Variants in ZNF320 observed in about 807,000 individuals in gnomAD.
ZNF320 encodes the protein zinc finger protein 320.
ZNF320 carries 2 observed loss-of-function variants against 6.8 expected under a neutral mutation model. The observed-to-expected ratio is 0.29, with a 90% CI of 0.12 to 0.93. The LOEUF is 0.93. ZNF320 is among the 40% of genes least tolerant of loss of function. The pLI is 0.55. For synonymous variants in ZNF320, 208 were observed against 203.2 expected (o/e 1.02, Z -0.20); for missense variants, 472 against 611.0 (o/e 0.77, Z 2.40).
rs58231328 is a variant in ZNF320 at position 52,866,869 on chromosome 19, C to CAAAAAA, written c.224-2716_224-2711dup. On this transcript the variant is annotated intron_variant, in intron 5 of 5. Coordinates refer to the ZNF320 transcript ENST00000673631. ...TGAGACACCTGTCTCACAAAACATA[C>CAAAAAA]AAAAAAAAAAAAAAAAAAAAAGAAA... Among the ~76,000 whole-genome samples the CAAAAAA allele has an allele frequency of 7.1e-4, 77 of 108,870 alleles. 1 individual carries two copies. Among genetic ancestry groups the CAAAAAA allele is most frequent in the South Asian group, 8.9e-4 (3 of 3,378 alleles). 71.4% of individuals were successfully genotyped at this position (108,870 alleles called of 152,430 possible).
rs1184393927 is a variant in ZNF320 at position 52,865,623 on chromosome 19, TTA to T, written c.224-1466_224-1465del. Among the ~76,000 whole-genome samples the T allele has an allele frequency of 5.6e-4, 47 of 83,386 alleles. 2 individuals carry two copies. The highest frequency in any genetic ancestry group is 2.1e-3 in the African/African-American group (44 of 20,768). 54.7% of individuals were successfully genotyped at this position (83,386 alleles called of 152,430 possible). On this transcript the variant is annotated intron_variant, in intron 5 of 5. Coordinates refer to the ZNF320 transcript ENST00000673631. ...TATATATGAGATTATACATATATAT[TTA>T]TATATGATTATACATATATATTTAT...
downstream of ZNF320, among the ~76,000 whole-genome samples, chr19:52,871,546 G>A (rs567131937): frequency 1.3e-5 from 2 of 152,158 alleles, no homozygotes; most frequent in Admixed American, 6.5e-5. Flanking sequence ...AAACCATCTT[G>A]TATATTCCTG....
chr19:52,866,998 T>A (rs2063587586), intron 5 of ZNF320, among the ~76,000 whole-genome samples: 1 of 152,078 alleles, frequency 6.6e-6, no homozygotes, highest in Non-Finnish European at 1.5e-5. Flanking sequence ...TGCCCTTAGT[T>A]ATCTAGTTCA....
At chr19:52,861,819 C>A (rs906565447) in exon 6 of ZNF320, 5 of 379,736 alleles carry the variant, frequency 1.3e-5, no homozygotes, top group Non-Finnish European at 2.6e-5. Flanking sequence ...AGACTGAAAC[C>A]TTGTCACACT....
chr19:52,862,748 C>T (rs10425318), exon 6 of ZNF320: 108,194 of 389,028 alleles, frequency 0.28, 16,187 homozygotes, highest in African/African-American at 0.4. Flanking sequence ...ACAAACCTTA[C>T]ATTTGTATGG....
intron 5 of ZNF320, chr19:52,865,355 C>A (rs2063523831): frequency 6.2e-6 from 2 of 321,156 alleles, no homozygotes; most frequent in South Asian, 3.0e-5. Flanking sequence ...GGGACATTTT[C>A]CTCACCCACA....
chr19:52,887,963 AAG>A (rs1313559756), intron 5 of ZNF320, among the ~76,000 whole-genome samples, 162 bp downstream of exon 5: 1 of 152,202 alleles, frequency 6.6e-6, no homozygotes, highest in African/African-American at 2.4e-5. Flanking sequence ...CATCTAAACA[AAG>A]GGGACAGTGA....
chr19:52,897,205 G>A (rs2064500767), intron 1 of ZNF320, among the ~76,000 whole-genome samples: 1 of 152,370 alleles, frequency 6.6e-6, no homozygotes, highest in African/African-American at 2.4e-5. Context: ...GGGAGGTGGG[G>A]AGCGACGGAG....
downstream of ZNF320, among the ~76,000 whole-genome samples, chr19:52,860,321 G>C (rs894566998): frequency 1.3e-5 from 2 of 151,936 alleles, no homozygotes; most frequent in Non-Finnish European, 1.5e-5. Flanking sequence ...ATCCTTAGGC[G>C]GTCCCGGTGG....
chr19:52,871,233 G>A (rs1467436195), downstream of ZNF320, among the ~76,000 whole-genome samples: 2 of 152,256 alleles, frequency 1.3e-5, no homozygotes, highest in Non-Finnish European at 2.9e-5. Flanking sequence ...AGTGGGGATT[G>A]ATTGAGCCCA....
intron 1 of ZNF320, among the ~76,000 whole-genome samples, chr19:52,896,735 C>G (rs958150387): frequency 1.3e-5 from 2 of 152,106 alleles, no homozygotes; most frequent in African/African-American, 4.8e-5. Context: ...AAAAGAAATA[C>G]CTGGGTCCTG....
chr19:52,875,437 G>A (rs6509700), downstream of ZNF320, among the ~76,000 whole-genome samples: 103,984 of 151,792 alleles, frequency 0.69, 36,257 homozygotes, highest in Non-Finnish European at 0.75. Context: ...GACAAGAATA[G>A]GTTCAAGATG....
intron 5 of ZNF320, among the ~76,000 whole-genome samples, chr19:52,867,907 C>T (rs1352734963): frequency 2.0e-5 from 3 of 151,976 alleles, no homozygotes; most frequent in Non-Finnish European, 2.9e-5. Context: ...CCACCGCACC[C>T]GGCCATTTTT....
Position 52,881,469 on chromosome 19 carries a change from A to G in ZNF320, c.657T>C (p.Cys219=). ...RIHRGDKHYT[C]NECGKVFDQK... is the part of the protein sequence containing the mutation. Reference sequence around the variant, plus strand: ...GATCAAAAACCTTGCCACATTCATTACATGTGTAATGTTTGTCTCCCCTGT... The same window carrying G: ...GATCAAAAACCTTGCCACATTCATTGCATGTGTAATGTTTGTCTCCCCTGT... Residue 219 remains cysteine, a synonymous_variant, in exon 6 of 6, where the codon TGT becomes TGC. Coordinates refer to ENST00000682928, the MANE Select transcript of ZNF320 (RefSeq NM_001351774.2). 3 of 1,614,216 alleles carry G rather than the reference A, an allele frequency of 1.9e-6. No homozygotes were observed. The highest frequency in any genetic ancestry group is 2.5e-6 in the Non-Finnish European group (3 of 1,180,044).
At chr19:52,890,219 T>G (rs1262968017) in intron 4 of ZNF320, 22 bp downstream of exon 4, 2 of 1,604,594 alleles carry the variant, frequency 1.2e-6, no homozygotes, top group East Asian at 2.2e-5. Context: ...GACAGAACAA[T>G]CCACCGAGAA....
upstream of ZNF320, among the ~76,000 whole-genome samples, chr19:52,899,212 T>A (rs1056462158): frequency 2.0e-5 from 3 of 152,210 alleles, no homozygotes; most frequent in East Asian, 5.8e-4. Flanking sequence ...ATTACTATTA[T>A]AACTCTTATT....
the ZNF320 span, among the ~76,000 whole-genome samples, chr19:52,903,337 T>C: frequency 6.6e-6 from 1 of 152,136 alleles, no homozygotes; most frequent in African/African-American, 2.4e-5. Flanking sequence ...AACTTAGAAT[T>C]GGTATAGATG....
upstream of ZNF320, among the ~76,000 whole-genome samples, chr19:52,901,534 G>A (rs2064571214): frequency 6.6e-6 from 1 of 152,120 alleles, no homozygotes. Context: ...GGTCTCAGAG[G>A]TTGGGCCCAC....
Position 52,881,646 on chromosome 19 carries a change from A to C in ZNF320, c.480T>G (p.Pro160=). The C allele has an allele frequency of 6.2e-7, 1 of 1,613,986 alleles. No homozygotes were observed. Among genetic ancestry groups the C allele is most frequent in the Non-Finnish European group, 8.5e-7 (1 of 1,179,928 alleles). Residue 160 remains proline (P), a synonymous_variant, in exon 6 of 6, where the codon CCT becomes CCG. Transcript: ENST00000682928. The part of the protein sequence containing the change: ...RHRRIHTGEK[P]YKCEECEKVF... Reference sequence around the variant, plus strand: ...CTTTCTCACATTCTTCACATTTGTAAGGTTTCTCTCCAGTATGAATTCTCC... The same window carrying C: ...CTTTCTCACATTCTTCACATTTGTACGGTTTCTCTCCAGTATGAATTCTCC...
Sources: gnomAD v4.1 joint callset for allele counts (sites outside exome capture counted in the v4.1 genomes callset) on GRCh38, gnomAD v4.1.1 for gene constraint, MANE v1.5 for transcripts, NCBI Gene and HGNC (gene_info 2026-07-23, HGNC 2026-07-21) for gene names.